S100A4: variants seen among roughly 807,000 people sequenced by gnomAD.
The protein encoded by S100A4 is protein S100-A4.
A neutral mutation model predicts 6.3 loss-of-function variants in S100A4; 4 were observed. The ratio of observed to expected loss-of-function variants is 0.64; its 90% CI spans 0.31 to 1.46. The LOEUF (loss-of-function observed/expected upper bound fraction) is 1.46, where lower values mean the gene tolerates loss of function less well. S100A4 is among the 40% of genes most tolerant of loss of function. The probability of loss-of-function intolerance (pLI) is 0.07; values close to 1 mark genes in which losing one functional copy is unlikely to be tolerated. For missense variants in S100A4, 108 were observed against 120.8 expected, an observed-to-expected ratio of 0.89 and a Z score of 0.50; for synonymous variants, 44 against 47.6, an observed-to-expected ratio of 0.92 and a Z score of 0.32.
chr1:153,544,150 A>G (rs1665479921), intron 2 of S100A4, among the ~76,000 whole-genome samples: 1 of 152,244 alleles, frequency 6.6e-6, no homozygotes, highest in African/African-American at 2.4e-5. Flanking sequence ...ATTTTCACCC[A>G]AGGTTGTTCT....
chr1:153,543,659 A>T lies in S100A4; in HGVS notation c.*100T>A. ...ATCTTTATTGAACTTGCTCAGCATC[A>T]AGCACGTGTCTGAAGGAGCCAGGGT... On this transcript the variant is annotated 3_prime_UTR_variant, in exon 3 of 3. Transcript: ENST00000368716. 1 of 1,135,312 alleles carries T rather than the reference A, an allele frequency of 8.8e-7. No homozygotes were observed. The highest frequency in any genetic ancestry group is 1.3e-6 in the Non-Finnish European group (1 of 780,044). 70.3% of individuals were successfully genotyped at this position (1,135,312 alleles called of 1,614,324 possible).
intron 2 of S100A4, among the ~76,000 whole-genome samples, chr1:153,544,299 A>G (rs1665485524): frequency 6.6e-6 from 1 of 152,206 alleles, no homozygotes; most frequent in Admixed American, 6.5e-5. Flanking sequence ...TCACATCTAC[A>G]AGCCAAATAG....
chr1:153,545,254 G>A (rs1331519536), intron 1 of S100A4, among the ~76,000 whole-genome samples: 1 of 152,262 alleles, frequency 6.6e-6, no homozygotes, highest in Non-Finnish European at 1.5e-5. Context: ...AGCATGGGGA[G>A]GGGCAAAGTG....
intron 2 of S100A4, 100 bp downstream of exon 2, chr1:153,544,554 T>G: frequency 6.6e-7 from 1 of 1,508,008 alleles, no homozygotes; most frequent in Non-Finnish European, 9.1e-7. Context: ...GCCACCCCAC[T>G]GATAGATGCC....
In S100A4 at chr1:153,543,831, G is replaced by A. The variant is rs9003; in HGVS notation, c.234C>T (p.Phe78=). 2.1e-3 allele frequency: 3,348 copies of A among 1,614,188 alleles called. 60 individuals are homozygous for A. In the African/African-American group the frequency reaches 0.04, roughly 19 times the overall value. ...NEVDFQEYCV[F]LSCIAMMCNE... Reference sequence around the variant, plus strand: ...TACACATCATGGCGATGCAGGACAGGAAGACACAGTACTCTTGGAAGTCCA... The same window carrying A: ...TACACATCATGGCGATGCAGGACAGAAAGACACAGTACTCTTGGAAGTCCA... Residue 78 remains phenylalanine (F), a synonymous_variant, in exon 3 of 3, where the codon TTC becomes TTT. Coordinates refer to ENST00000368716, the MANE Select transcript of S100A4 (RefSeq NM_002961.3).
chr1:153,544,776 T>G lies in S100A4; in HGVS notation c.19A>C (p.Lys7Gln), dbSNP rs1665507165. The change falls in exon 2 of 3, where the codon AAG (lysine) becomes CAG (glutamine). Residue 7 changes from lysine (K) to glutamine (Q), a missense_variant. Physicochemically the swap from Lys to Gln is moderately conservative, Grantham distance 53 (BLOSUM62 1). Coordinates refer to ENST00000368716, the MANE Select transcript of S100A4 (RefSeq NM_002961.3). ...GTGGACACCATCACATCCAGGGCCT[T>G]CTCCAGAGGGCACGCCATGACAGCA... MACPLE[K>Q]ALDVMVSTFH... 6.2e-7 allele frequency: 1 copy of G among 1,614,110 alleles called. No homozygotes were observed. Among genetic ancestry groups the G allele is most frequent in the Non-Finnish European group, 8.5e-7 (1 of 1,180,004 alleles).
chr1:153,544,844 T>A, intron 1 of S100A4, 35 bp from the exon 2 acceptor site: 2 of 1,611,886 alleles, frequency 1.2e-6, no homozygotes, highest in Non-Finnish European at 1.7e-6. Context: ...GTCTTATTAA[T>A]CCCACCCCTC....
In S100A4 at chr1:153,544,677, G is replaced by T. The variant is rs576307674; in HGVS notation, c.118C>A (p.Arg40=). 9.3e-6 allele frequency: 15 copies of T among 1,614,166 alleles called. No homozygotes were observed. Among genetic ancestry groups the T allele is most frequent in the Non-Finnish European group, 1.3e-5 (15 of 1,180,012 alleles). ...NKSELKELLT[R]ELPSFLGKRT... is the part of the protein sequence containing the mutation. ...ACCCCCAAGAAGCTGGGCAGCTCCC[G>T]GGTCAGCAGCTCCTTTAGTTCTGAC... Residue 40 remains arginine (R), a synonymous_variant, in exon 2 of 3, where the codon CGG becomes AGG. Transcript: ENST00000368716.
intron 1 of S100A4, 137 bp downstream of exon 1, chr1:153,545,616 A>G (rs1026156060): frequency 4.6e-5 from 7 of 152,362 alleles, no homozygotes; most frequent in African/African-American, 1.7e-4. Context: ...CCACGCACAC[A>G]ATCCACCCAG....
chr1:153,543,686 G>A lies in S100A4; in HGVS notation c.*73C>T, dbSNP rs1665456765. On this transcript the variant is annotated 3_prime_UTR_variant, in exon 3 of 3. Coordinates refer to ENST00000368716, the MANE Select transcript of S100A4 (RefSeq NM_002961.3). The stretch of plus-strand genomic sequence containing the variant: ...GCACGTGTCTGAAGGAGCCAGGGTG[G>A]AAAAAAAAAAGTGCCCACTGGCGAC... 7 of 1,271,708 alleles carry A rather than the reference G, an allele frequency of 5.5e-6. No homozygotes were observed. Among genetic ancestry groups the A allele is most frequent in the African/African-American group, 1.5e-5 (1 of 65,870 alleles). The allele number at this position is 1,271,708 out of a possible 1,614,324, so 78.8% of individuals were successfully genotyped here. A position where few individuals can be genotyped will look rare whatever the true frequency, so the allele number is the denominator to read the frequency against.
chr1:153,543,813 C>T lies in S100A4; in HGVS notation c.252G>A (p.Met84Ile). ...AGCCTTCAAAGAATTCGTTACACAT[C>T]ATGGCGATGCAGGACAGGAAGACAC... The part of the protein sequence containing the change: ...EYCVFLSCIA[M>I]MCNEFFEGFP... Residue 84 changes from methionine to isoleucine, a missense_variant, in exon 3 of 3, where the codon ATG becomes ATA. Coordinates refer to ENST00000368716, the MANE Select transcript of S100A4 (RefSeq NM_002961.3). 1 of 1,614,186 alleles carries T rather than the reference C, an allele frequency of 6.2e-7. No homozygotes were observed. Among genetic ancestry groups the T allele is most frequent in the Non-Finnish European group, 8.5e-7 (1 of 1,180,034 alleles).
rs986364955 is a variant in S100A4 at position 153,544,007 on chromosome 1, G to C, written c.142-84C>G. The C allele has an allele frequency of 2.7e-6, 4 of 1,457,220 alleles. No homozygotes were observed. In the African/African-American group the frequency reaches 5.7e-5, roughly 21 times the overall value. The allele number at this position is 1,457,220 out of a possible 1,614,324, so 90.3% of individuals were successfully genotyped here. Reference sequence around the variant, plus strand: ...AGACCCAGTTTCTACTCCCAGACCAGAGTTCAGGGAGGCTCCTTTGGGAGG... The same window carrying C: ...AGACCCAGTTTCTACTCCCAGACCACAGTTCAGGGAGGCTCCTTTGGGAGG... On this transcript the variant is annotated intron_variant, in intron 2 of 2. Coordinates refer to ENST00000368716, the MANE Select transcript of S100A4 (RefSeq NM_002961.3).
rs1373830129 is a variant in S100A4 at position 153,544,683 on chromosome 1, G to C, written c.112C>G (p.Leu38Val). 6.2e-7 allele frequency: 1 copy of C among 1,614,124 alleles called. No individual in the cohort carries two copies. The highest frequency in any genetic ancestry group is 8.5e-7 in the Non-Finnish European group (1 of 1,180,036). ...AAGAAGCTGGGCAGCTCCCGGGTCAGCAGCTCCTTTAGTTCTGACTTGTTG... is the reference window on the plus strand; with the variant it reads ...AAGAAGCTGGGCAGCTCCCGGGTCACCAGCTCCTTTAGTTCTGACTTGTTG... Reference protein sequence around the residue: ...KLNKSELKELLTRELPSFLGK... With the variant: ...KLNKSELKELVTRELPSFLGK... The change falls in exon 2 of 3, where the codon CTG (leucine) becomes GTG (valine). Residue 38 changes from leucine (L) to valine (V), a missense_variant. By Grantham distance (32) the Leu-to-Val change is conservative. Coordinates refer to ENST00000368716, the MANE Select transcript of S100A4 (RefSeq NM_002961.3).
intron 2 of S100A4, 82 bp from the exon 3 acceptor site, chr1:153,544,005 C>A: frequency 6.6e-7 from 1 of 1,512,348 alleles, no homozygotes; most frequent in Non-Finnish European, 9.0e-7. Flanking sequence ...ACTCCCAGAC[C>A]AGAGTTCAGG....
At chr1:153,545,099 C>A in intron 1 of S100A4, 1 of 346,440 alleles carries the variant, frequency 2.9e-6, no homozygotes, top group Admixed American at 3.9e-5. Flanking sequence ...ATTTTTTCCA[C>A]CCCTCACTCA....
chr1:153,544,704 TG>T lies in S100A4; in HGVS notation c.90del (p.Asn30LysfsTer5). On this transcript the variant is annotated frameshift_variant, in exon 2 of 3. Transcript: ENST00000368716. LOFTEE classifies it high-confidence loss of function. ...GTCAGCAGCTCCTTTAGTTCTGACT[TG>T]TTGAGCTTGAACTTGTCACCCTCTT... ...SGKEGDKFKL[N>X]KSELKELLTR... 6.2e-7 allele frequency: 1 copy of T among 1,614,174 alleles called. No individual in the cohort carries two copies. Among genetic ancestry groups the T allele is most frequent in the Non-Finnish European group, 8.5e-7 (1 of 1,180,012 alleles).
In S100A4 at chr1:153,543,726, C is replaced by G. The variant is rs1432079032; in HGVS notation, c.*33G>C. ...CCACTGGCGACAGGGAGGGCCCCAG[C>G]TGGCAGACCCCCCAACCACATCAGA... On this transcript the variant is annotated 3_prime_UTR_variant, in exon 3 of 3. Transcript: ENST00000368716. The G allele has an allele frequency of 1.3e-6, 2 of 1,595,754 alleles. No homozygotes were observed. Among genetic ancestry groups the G allele is most frequent in the South Asian group, 2.2e-5 (2 of 89,004 alleles).
Position 153,543,634 on chromosome 1 carries a change from A to T in S100A4, c.*125T>A. On this transcript the variant is annotated 3_prime_UTR_variant, in exon 3 of 3. Transcript: ENST00000368716. Reference sequence around the variant, plus strand: ...ACCATCAGCCTCAAAACTTCCAAGAATCTTTATTGAACTTGCTCAGCATCA... The same window carrying T: ...ACCATCAGCCTCAAAACTTCCAAGATTCTTTATTGAACTTGCTCAGCATCA... The T allele has an allele frequency of 4.1e-6, 4 of 973,714 alleles. No individual in the cohort carries two copies. In the South Asian group the frequency reaches 6.4e-5, roughly 16 times the overall value. 60.3% of individuals were successfully genotyped at this position (973,714 alleles called of 1,614,324 possible).
Position 153,543,985 on chromosome 1 carries a change from C to T in S100A4, c.142-62G>A, listed in dbSNP as rs529450800. On this transcript the variant is annotated intron_variant, in intron 2 of 2. Transcript: ENST00000368716. The stretch of plus-strand genomic sequence containing the variant: ...CCCAGTGGGTGGAGCCAGGACCAGA[C>T]CCAGTTTCTACTCCCAGACCAGAGT... 5.1e-6 allele frequency: 8 copies of T among 1,579,592 alleles called. No individual in the cohort carries two copies. The African/African-American group carries it at 9.5e-5, about 19-fold the overall frequency.
Sources: allele counts gnomAD v4.1 joint callset (sites outside exome capture counted in the v4.1 genomes callset), GRCh38; gene constraint gnomAD v4.1.1; transcripts MANE v1.5; gene names NCBI Gene and HGNC (gene_info 2026-07-23, HGNC 2026-07-21).